The following PRMT3 variants were observed in gnomAD, a reference collection of about 807,000 sequenced individuals.
The protein encoded by PRMT3 is protein arginine N-methyltransferase 3.
PRMT3 carries 62 observed loss-of-function variants against 71.9 expected under a neutral mutation model. The ratio of observed to expected loss-of-function variants is 0.86; its 90% CI spans 0.70 to 1.07. The LOEUF (loss-of-function observed/expected upper bound fraction) is 1.07, where lower values mean the gene tolerates loss of function less well. Ranked by LOEUF, PRMT3 falls within the 50% of genes least tolerant of loss-of-function variation. PRMT3 has a pLI of 0.00. For synonymous variants in PRMT3, 213 were observed against 220.4 expected (o/e 0.97, Z 0.30); for missense variants, 663 against 643.0 (o/e 1.03, Z -0.34).
intron 9 of PRMT3, among the ~76,000 whole-genome samples, chr11:20,410,746 A>G (rs1849177178): frequency 6.6e-6 from 1 of 152,058 alleles, no homozygotes; most frequent in Admixed American, 6.5e-5. Flanking sequence ...AAAGCTACCA[A>G]CTTACTTTTA....
chr11:20,478,777 C>T (rs1181651342), intron 13 of PRMT3, among the ~76,000 whole-genome samples: 1 of 152,132 alleles, frequency 6.6e-6, no homozygotes, highest in Non-Finnish European at 1.5e-5. Flanking sequence ...GAAAAAACTT[C>T]AAGATTAGCC....
At chr11:20,437,714 C>T (rs1486749372) in intron 10 of PRMT3, among the ~76,000 whole-genome samples, 1 of 152,060 alleles carries the variant, frequency 6.6e-6, no homozygotes, top group Non-Finnish European at 1.5e-5. Context: ...CTCAGCCTCC[C>T]GAGTAGCTGG....
chr11:20,508,482 T>C lies in PRMT3; in HGVS notation c.*69T>C, dbSNP rs1321727725. 9.4e-7 allele frequency: 1 copy of C among 1,063,340 alleles called. No individual in the cohort carries two copies. The highest frequency in any genetic ancestry group is 1.7e-5 in the Admixed American group (1 of 58,302). 65.9% of individuals were successfully genotyped at this position (1,063,340 alleles called of 1,614,324 possible). A position where few individuals can be genotyped will look rare whatever the true frequency, so the allele number is the denominator to read the frequency against. ...GTAGAGTGGGTCAGCAGGAGGGAGC[T>C]GGTTTTATGTGAGCAGATGGATGGA... On this transcript the variant is annotated 3_prime_UTR_variant, in exon 16 of 16. Transcript: ENST00000331079.
At chr11:20,501,091 G>C (rs1426156998) in intron 15 of PRMT3, among the ~76,000 whole-genome samples, 2 of 152,118 alleles carry the variant, frequency 1.3e-5, no homozygotes, top group Middle Eastern at 3.4e-3. Context: ...AGGTTGTTTT[G>C]ACCTCTTTCA....
At chr11:20,500,935 T>G (rs1355082155) in intron 15 of PRMT3, among the ~76,000 whole-genome samples, 1 of 152,224 alleles carries the variant, frequency 6.6e-6, no homozygotes, top group Non-Finnish European at 1.5e-5. Context: ...TATGTCCCTT[T>G]GCAGTCTGAC....
At chr11:20,488,103 A>G (rs1420795699) in intron 13 of PRMT3, among the ~76,000 whole-genome samples, 1 of 152,202 alleles carries the variant, frequency 6.6e-6, no homozygotes, top group Non-Finnish European at 1.5e-5. Flanking sequence ...GAGAATCATG[A>G]AAGAAAAGGT....
intron 15 of PRMT3, among the ~76,000 whole-genome samples, chr11:20,502,218 A>AT (rs1851475585): frequency 6.6e-6 from 1 of 152,186 alleles, no homozygotes; most frequent in Non-Finnish European, 1.5e-5. Context: ...AACATCAGTC[A>AT]TTTTATATCT....
Position 20,464,518 on chromosome 11 carries a change from T to C in PRMT3, c.1319T>C (p.Leu440Pro). The C allele has an allele frequency of 3.1e-6, 5 of 1,612,136 alleles. No individual in the cohort carries two copies. Among genetic ancestry groups the C allele is most frequent in the Non-Finnish European group, 4.2e-6 (5 of 1,179,074 alleles). ...TTGGAATTTTCATCAGATTTTACCC[T>C]GAAAATCACAAGGACATCCATGTGC... Reference protein sequence around the residue: ...SDLEFSSDFTLKITRTSMCTA... With the variant: ...SDLEFSSDFTPKITRTSMCTA... The change falls in exon 13 of 16, where the codon CTG (leucine) becomes CCG (proline). Residue 440 changes from leucine (L) to proline (P), a missense_variant. Coordinates refer to ENST00000331079, the MANE Select transcript of PRMT3 (RefSeq NM_005788.4).
intron 12 of PRMT3, 55 bp from the exon 13 acceptor site, chr11:20,464,405 T>C (rs1850457712): frequency 1.3e-6 from 2 of 1,529,488 alleles, no homozygotes; most frequent in African/African-American, 2.8e-5. Context: ...TTTTTTGTTT[T>C]TTTTTTTTGG....
chr11:20,425,746 A>AT (rs1849531709), intron 9 of PRMT3, among the ~76,000 whole-genome samples: 1 of 152,186 alleles, frequency 6.6e-6, no homozygotes, highest in Non-Finnish European at 1.5e-5. Flanking sequence ...TTGCTTGTGG[A>AT]TGGGGAGATT....
chr11:20,490,252 C>G (rs965994753), intron 13 of PRMT3, among the ~76,000 whole-genome samples: 2 of 152,024 alleles, frequency 1.3e-5, no homozygotes, highest in African/African-American at 4.8e-5. Context: ...AGAAATGTGA[C>G]TGTGCTTGAA....
intron 6 of PRMT3, among the ~76,000 whole-genome samples, chr11:20,396,491 G>A (rs1215811796): frequency 6.6e-6 from 1 of 152,030 alleles, no homozygotes; most frequent in East Asian, 1.9e-4. Flanking sequence ...ACAAAAATTA[G>A]CCGGGTTGTG....
rs369171698 is a variant in PRMT3, at chr11:20,387,737, C to G, written c.-10C>G. 7 of 1,535,548 alleles carry G rather than the reference C, an allele frequency of 4.6e-6. No homozygotes were observed. In the Admixed American group the frequency reaches 1.2e-4, roughly 26 times the overall value. On this transcript the variant is annotated 5_prime_UTR_variant, in exon 1 of 16. Transcript: ENST00000331079. The surrounding 1 kb of genome is among the most constrained non-coding windows in gnomAD (Gnocchi z 4.3). ...CCCCAGACACGCCGGGCTCTCGGGG[C>G]ACCACAGCCATGTGCTCGTTAGCGT...
intron 10 of PRMT3, among the ~76,000 whole-genome samples, chr11:20,433,383 T>A (rs1283245499): frequency 6.6e-6 from 1 of 152,186 alleles, no homozygotes; most frequent in African/African-American, 2.4e-5. Context: ...AAAGACATGA[T>A]CTCATTCTTT....
Position 20,392,239 on chromosome 11 carries a change from A to G in PRMT3, c.276A>G (p.Leu92=), listed in dbSNP as rs141065177. The change falls in exon 4 of 16, where the codon CTA becomes CTG. Residue 92 remains leucine, a synonymous_variant. Transcript: ENST00000331079. ...TTGAATTTTATGGATACATTAAGCT[A>G]ATAAATTTTATTAGACTTAAGGTAA... ...HGLEFYGYIK[L]INFIRLKNPT... 1 of 1,563,792 alleles carries G rather than the reference A, an allele frequency of 6.4e-7. No individual in the cohort carries two copies. The highest frequency in any genetic ancestry group is 8.7e-7 in the Non-Finnish European group (1 of 1,148,036).
At chr11:20,415,312 C>T (rs1383461815) in intron 9 of PRMT3, among the ~76,000 whole-genome samples, 1 of 152,026 alleles carries the variant, frequency 6.6e-6, no homozygotes, top group Non-Finnish European at 1.5e-5. Context: ...TAGTATACCC[C>T]GAAATCCCCT....
rs756627951 is a variant in PRMT3 at position 20,463,204 on chromosome 11, A to G, written c.1260+1037A>G. On this transcript the variant is annotated intron_variant, in intron 12 of 15. Coordinates refer to ENST00000331079, the MANE Select transcript of PRMT3 (RefSeq NM_005788.4). ...TCTTCTCTGTACAAAGCAGATATTT[A>G]GTACATATTTAATTTTCTTAAATGG... Among the ~76,000 whole-genome samples, 165 of 152,262 alleles carry G rather than the reference A, an allele frequency of 1.1e-3. 4 individuals are homozygous for G. Among genetic ancestry groups the G allele is most frequent in the Admixed American group, 1.3e-3 (20 of 15,288 alleles).
chr11:20,411,175 A>C (rs1849184206), intron 9 of PRMT3, among the ~76,000 whole-genome samples: 1 of 152,080 alleles, frequency 6.6e-6, no homozygotes, highest in African/African-American at 2.4e-5. Context: ...CTAAGACCTA[A>C]AATTTGAGCT....
chr11:20,411,006 T>C lies in PRMT3; in HGVS notation c.893+2974T>C, dbSNP rs553977125. On this transcript the variant is annotated intron_variant, in intron 9 of 15. Transcript: ENST00000331079. ...GTCTCTTTAGCAATACTTACAGGATTCGATACAAAGATGTTTTTGAGATAA... is the reference window on the plus strand; with the variant it reads ...GTCTCTTTAGCAATACTTACAGGATCCGATACAAAGATGTTTTTGAGATAA... Among the ~76,000 whole-genome samples, 768 of 152,230 alleles carry C rather than the reference T, an allele frequency of 5.0e-3. 8 individuals carry two copies. Among genetic ancestry groups the C allele is most frequent in the South Asian group, 0.026 (125 of 4,824 alleles).
Sources: gnomAD v4.1 joint callset for allele counts (sites outside exome capture counted in the v4.1 genomes callset) on GRCh38, gnomAD v4.1.1 for gene constraint, Gnocchi (gnomAD v3.1) non-coding constraint, MANE v1.5 for transcripts, NCBI Gene and HGNC (gene_info 2026-07-23, HGNC 2026-07-21) for gene names.